The following MBOAT1 variants were observed in gnomAD, a reference collection of about 807,000 sequenced individuals.
MBOAT1 encodes the protein membrane bound glycerophospholipid O-acyltransferase 1.
Under a neutral mutation model 64.4 loss-of-function variants are expected in MBOAT1, and 67 were observed. The ratio of observed to expected loss-of-function variants is 1.04; its 90% confidence interval spans 0.85 to 1.27. MBOAT1 has a LOEUF of 1.27. Among genes scored for constraint, MBOAT1 ranks in the 50% most tolerant of loss-of-function variants. The pLI is 0.00. For missense variants in MBOAT1, 563 were observed against 604.6 expected, an observed-to-expected ratio of 0.93 and a Z score of 0.72; for synonymous variants, 229 against 218.9, an observed-to-expected ratio of 1.05 and a Z score of -0.41.
chr6:20,163,622 C>T (rs1761928056), intron 1 of MBOAT1, among the ~76,000 whole-genome samples: 1 of 152,136 alleles, frequency 6.6e-6, no homozygotes, highest in Non-Finnish European at 1.5e-5. Flanking sequence ...GCACAACCTT[C>T]TCGCATGATT....
intron 12 of MBOAT1, among the ~76,000 whole-genome samples, chr6:20,105,679 AGGT>A (rs1759935956): frequency 6.6e-6 from 1 of 152,156 alleles, no homozygotes; most frequent in Admixed American, 6.5e-5. Context: ...TGGGAGGCTG[AGGT>A]GGGAGGATCA....
chr6:20,197,969 G>A (rs1046677013), intron 1 of MBOAT1, among the ~76,000 whole-genome samples: 5 of 152,186 alleles, frequency 3.3e-5, no homozygotes, highest in Non-Finnish European at 7.3e-5. Context: ...GCTCACACCT[G>A]TAATCCAGCA....
chr6:20,126,426 T>C (rs1760650096), intron 7 of MBOAT1, 91 bp downstream of exon 7: 1 of 1,092,516 alleles, frequency 9.2e-7, no homozygotes, highest in East Asian at 2.6e-5. Context: ...CCAAGCTTTC[T>C]GGTAAACTGT....
At chr6:20,111,840 A>ATATAGACATATATATATACATG (rs1760161879) in intron 11 of MBOAT1, among the ~76,000 whole-genome samples, 1 of 133,528 alleles carries the variant, frequency 7.5e-6, no homozygotes, top group Non-Finnish European at 1.5e-5. Context: ...ATATACACAT[A>ATATAGACATATATATATACATG]TATATACATA....
At chr6:20,167,402 C>A (rs1427960890) in intron 1 of MBOAT1, among the ~76,000 whole-genome samples, 2 of 152,194 alleles carry the variant, frequency 1.3e-5, no homozygotes, top group South Asian at 4.1e-4. Context: ...TCTCCTCACC[C>A]TTGCCAGCAT....
chr6:20,144,456 T>C (rs1761272987), intron 3 of MBOAT1, 141 bp from the exon 4 acceptor site: 2 of 603,514 alleles, frequency 3.3e-6, no homozygotes, highest in Non-Finnish European at 5.9e-6. Flanking sequence ...CCAGGCCACC[T>C]TTCCACCCAC....
At chr6:20,123,620 A>T (rs76465434) in intron 8 of MBOAT1, among the ~76,000 whole-genome samples, 1 of 152,184 alleles carries the variant, frequency 6.6e-6, no homozygotes, top group East Asian at 1.9e-4. Flanking sequence ...AAAAAAAAAA[A>T]ATCACTTGAA....
chr6:20,204,108 G>C (rs1025829143), intron 1 of MBOAT1, among the ~76,000 whole-genome samples: 1 of 152,130 alleles, frequency 6.6e-6, no homozygotes. Flanking sequence ...CATAAAGAAT[G>C]AGACTCTCTT....
intron 1 of MBOAT1, among the ~76,000 whole-genome samples, chr6:20,192,838 C>G (rs1416282288): frequency 6.6e-6 from 1 of 151,998 alleles, no homozygotes; most frequent in Non-Finnish European, 1.5e-5. Context: ...GGCTCCAGGC[C>G]TAGATCCCAG....
chr6:20,136,753 T>G (rs75935866), intron 4 of MBOAT1, among the ~76,000 whole-genome samples: 1 of 152,238 alleles, frequency 6.6e-6, no homozygotes, highest in African/African-American at 2.4e-5. Context: ...TTAACACGCA[T>G]GCAAATATAT....
chr6:20,172,774 T>C (rs1762236760), intron 1 of MBOAT1, among the ~76,000 whole-genome samples: 2 of 152,186 alleles, frequency 1.3e-5, no homozygotes. Context: ...TGTTTCAACA[T>C]GATAGGACGC....
chr6:20,193,609 T>A (rs1416524251), intron 1 of MBOAT1, among the ~76,000 whole-genome samples: 1 of 151,148 alleles, frequency 6.6e-6, no homozygotes, highest in Non-Finnish European at 1.5e-5. Context: ...AAATCCTTTT[T>A]TTTTTTTTTT....
At chr6:20,137,717 AACAC>A (rs35794753) in intron 4 of MBOAT1, among the ~76,000 whole-genome samples, 107 of 149,838 alleles carry the variant, frequency 7.1e-4, no homozygotes, top group South Asian at 1.9e-3. Context: ...CCCAAAATTA[AACAC>A]ACACACACAC....
At chr6:20,199,895 A>G (rs1051363662) in intron 1 of MBOAT1, among the ~76,000 whole-genome samples, 1 of 152,090 alleles carries the variant, frequency 6.6e-6, no homozygotes, top group Non-Finnish European at 1.5e-5. Flanking sequence ...TTGAAACCAG[A>G]GGGCGGAGGT....
chr6:20,107,482 G>C (rs1459693229), intron 12 of MBOAT1, among the ~76,000 whole-genome samples: 5 of 152,164 alleles, frequency 3.3e-5, no homozygotes, highest in Admixed American at 3.3e-4. Flanking sequence ...TGCCTAGGCT[G>C]AGGCAGATTC....
At chr6:20,207,649 T>G (rs980609557) in intron 1 of MBOAT1, among the ~76,000 whole-genome samples, 1 of 152,146 alleles carries the variant, frequency 6.6e-6, no homozygotes. Context: ...ATAAATAAAG[T>G]TGTATGGGAA....
chr6:20,183,604 T>C (rs1469699855), intron 1 of MBOAT1, among the ~76,000 whole-genome samples: 4 of 147,578 alleles, frequency 2.7e-5, no homozygotes, highest in Admixed American at 2.1e-4. Flanking sequence ...TCCATCTCTC[T>C]AAGCCCTGCC....
chr6:20,178,988 G>A (rs1762432071), intron 1 of MBOAT1, among the ~76,000 whole-genome samples: 1 of 151,566 alleles, frequency 6.6e-6, no homozygotes, highest in African/African-American at 2.4e-5. Context: ...GTGCAGGTTT[G>A]TTACATAGGC....
intron 12 of MBOAT1, among the ~76,000 whole-genome samples, chr6:20,106,255 A>G (rs1332705478): frequency 6.6e-6 from 1 of 152,254 alleles, no homozygotes; most frequent in Non-Finnish European, 1.5e-5. Context: ...AATCTGGAAT[A>G]GCCACTGGCA....
Sources: gnomAD v4.1 joint callset for allele counts (sites outside exome capture counted in the v4.1 genomes callset) on GRCh38, gnomAD v4.1.1 for gene constraint, MANE v1.5 for transcripts, NCBI Gene and HGNC (gene_info 2026-07-23, HGNC 2026-07-21) for gene names.